IFT81: variants seen among roughly 807,000 people sequenced by gnomAD.
IFT81 encodes intraflagellar transport protein 81 homolog.
A neutral mutation model predicts 102.6 loss-of-function variants in IFT81; 72 were observed. The ratio of observed to expected loss-of-function variants is 0.70; its 90% CI spans 0.58 to 0.85. The LOEUF is 0.85. Among genes scored for constraint, IFT81 ranks in the 40% least tolerant of loss-of-function variants. The probability of loss-of-function intolerance (pLI) is 0.00; values close to 1 mark genes in which losing one functional copy is unlikely to be tolerated. For synonymous variants in IFT81, 237 were observed against 242.7 expected (o/e 0.98, Z 0.22); for missense variants, 723 against 787.3 (o/e 0.92, Z 0.98).
At chr12:110,206,344 A>G (rs910606344) in intron 17 of IFT81, among the ~76,000 whole-genome samples, 3 of 152,202 alleles carry the variant, frequency 2.0e-5, no homozygotes, top group African/African-American at 7.2e-5. Flanking sequence ...TTATGGTTGA[A>G]TTGCTAGGTG....
At chr12:110,155,411 A>G (rs1247546237) in intron 10 of IFT81, among the ~76,000 whole-genome samples, 1 of 151,912 alleles carries the variant, frequency 6.6e-6, no homozygotes, top group African/African-American at 2.4e-5. Context: ...CCCTAGTTCA[A>G]GCGATTCTCC....
intron 17 of IFT81, among the ~76,000 whole-genome samples, chr12:110,208,470 C>T (rs1267169579): frequency 2.6e-5 from 4 of 152,004 alleles, no homozygotes; most frequent in Admixed American, 2.6e-4. Context: ...CATGCCACTG[C>T]ACTCCAACCT....
At chr12:110,156,625 T>C (rs1361216651) in intron 10 of IFT81, among the ~76,000 whole-genome samples, 1 of 151,946 alleles carries the variant, frequency 6.6e-6, no homozygotes, top group Admixed American at 6.6e-5. Context: ...GCCTCCCGAG[T>C]AGCTGGGACT....
chr12:110,201,599 T>TTTTA (rs551774743), intron 14 of IFT81, among the ~76,000 whole-genome samples: 3,622 of 151,222 alleles, frequency 0.024, 133 homozygotes, highest in African/African-American at 0.082. Context: ...TCTGGCTAAT[T>TTTTA]TTTATTTATT....
intron 10 of IFT81, among the ~76,000 whole-genome samples, chr12:110,152,434 C>G (rs1895592837): frequency 3.3e-5 from 5 of 152,086 alleles, no homozygotes; most frequent in Admixed American, 2.6e-4. Context: ...TACCCATTGG[C>G]CATTTGTATG....
At chr12:110,150,513 TA>T (rs1488901232) in intron 10 of IFT81, among the ~76,000 whole-genome samples, 1 of 152,240 alleles carries the variant, frequency 6.6e-6, no homozygotes, top group African/African-American at 2.4e-5. Flanking sequence ...TACTTGGTTT[TA>T]CTTAGTCTCG....
chr12:110,131,724 A>G (rs1894176690), intron 4 of IFT81, among the ~76,000 whole-genome samples: 1 of 152,172 alleles, frequency 6.6e-6, no homozygotes, highest in Non-Finnish European at 1.5e-5. Context: ...GGTGTACACA[A>G]TGAATATGAT....
chr12:110,193,469 A>G (rs558773784), intron 14 of IFT81, among the ~76,000 whole-genome samples: 3 of 152,328 alleles, frequency 2.0e-5, no homozygotes, highest in East Asian at 1.9e-4. Context: ...GATTATGAGA[A>G]GTGATGAAAT....
chr12:110,194,951 G>C (rs1000632347), intron 14 of IFT81, among the ~76,000 whole-genome samples: 1 of 151,986 alleles, frequency 6.6e-6, no homozygotes, highest in Admixed American at 6.6e-5. Context: ...TTTAACATTT[G>C]GTTGCTGTAC....
At chr12:110,142,286 G>C (rs971841251) in intron 8 of IFT81, among the ~76,000 whole-genome samples, 9 of 152,020 alleles carry the variant, frequency 5.9e-5, no homozygotes, top group Admixed American at 4.6e-4. Flanking sequence ...TTGTTCCTCA[G>C]CCTCCCAAGT....
At chr12:110,205,070 C>T (rs1266688197) in intron 15 of IFT81, 2 of 155,398 alleles carry the variant, frequency 1.3e-5, no homozygotes, top group African/African-American at 4.8e-5. Flanking sequence ...CCTGTCTCTA[C>T]TAAAAATACA....
chr12:110,134,850 T>G, intron 5 of IFT81, 98 bp from the exon 6 acceptor site: 1 of 828,816 alleles, frequency 1.2e-6, no homozygotes, highest in Non-Finnish European at 1.9e-6. Context: ...TGGTTATAAA[T>G]GATGAAAATG....
chr12:110,195,580 A>C (rs1024853762), intron 14 of IFT81, among the ~76,000 whole-genome samples: 2 of 152,100 alleles, frequency 1.3e-5, no homozygotes, highest in African/African-American at 4.8e-5. Flanking sequence ...GCTTTGTTGT[A>C]TCATTTCTAT....
At chr12:110,167,608 T>C (rs1005040160) in intron 11 of IFT81, among the ~76,000 whole-genome samples, 7 of 152,278 alleles carry the variant, frequency 4.6e-5, no homozygotes, top group African/African-American at 1.7e-4. Flanking sequence ...TCTGGTTGAA[T>C]TGATAGTCTC....
At chr12:110,165,573 A>G (rs1896388917) in intron 11 of IFT81, among the ~76,000 whole-genome samples, 1 of 152,210 alleles carries the variant, frequency 6.6e-6, no homozygotes, top group Non-Finnish European at 1.5e-5. Context: ...GGGGACTCAC[A>G]TTTATTGAGC....
intron 8 of IFT81, among the ~76,000 whole-genome samples, chr12:110,142,958 A>G (rs910715337): frequency 6.6e-6 from 1 of 152,154 alleles, no homozygotes; most frequent in Non-Finnish European, 1.5e-5. Context: ...TCCAAAAGAA[A>G]AAAAATACAT....
chr12:110,156,429 A>G (rs1895841831), intron 10 of IFT81, among the ~76,000 whole-genome samples: 1 of 151,028 alleles, frequency 6.6e-6, no homozygotes, highest in East Asian at 1.9e-4. Context: ...AGTTGTAACA[A>G]ACTCCCTTAG....
intron 8 of IFT81, among the ~76,000 whole-genome samples, chr12:110,140,198 C>T (rs1040356284): frequency 2.0e-5 from 3 of 152,072 alleles, no homozygotes; most frequent in African/African-American, 7.2e-5. Context: ...TGGTTTGCTG[C>T]ACCTATCAAC....
chr12:110,155,100 A>G (rs1895765816), intron 10 of IFT81, among the ~76,000 whole-genome samples: 1 of 152,164 alleles, frequency 6.6e-6, no homozygotes, highest in Admixed American at 6.5e-5. Flanking sequence ...ATCTTGCTGT[A>G]TTGAACCTTT....
Sources: gnomAD v4.1 joint callset for allele counts (sites outside exome capture counted in the v4.1 genomes callset) on GRCh38, gnomAD v4.1.1 for gene constraint, MANE v1.5 for transcripts, NCBI Gene and HGNC (gene_info 2026-07-23, HGNC 2026-07-21) for gene names.